SORCS2: variants seen among roughly 807,000 people sequenced by gnomAD.
SORCS2 encodes sortilin related VPS10 domain containing receptor 2.
In SORCS2, 100 loss-of-function variants were observed where a neutral mutation model predicts 141.6. The ratio of observed to expected loss-of-function variants is 0.71; its 90% confidence interval spans 0.60 to 0.83. The LOEUF (loss-of-function observed/expected upper bound fraction) is 0.83, where lower values mean the gene tolerates loss of function less well. SORCS2 is among the 40% of genes least tolerant of loss of function. The pLI, the probability that SORCS2 is intolerant of heterozygous loss-of-function variation, is 0.00. For missense variants in SORCS2, 1,646 were observed against 1,560.2 expected, an observed-to-expected ratio of 1.05 and a Z score of -0.93; for synonymous variants, 789 against 676.9, an observed-to-expected ratio of 1.17 and a Z score of -2.57.
At chr4:7,525,760 CA>C (rs1364381784) in intron 2 of SORCS2, among the ~76,000 whole-genome samples, 156 of 105,986 alleles carry the variant, frequency 1.5e-3, no homozygotes, top group East Asian at 2.9e-3. Context: ...TGCCCTCCTG[CA>C]ATCACCTGTC....
intron 13 of SORCS2, 88 bp from the exon 14 acceptor site, chr4:7,704,089 C>T: frequency 8.3e-7 from 1 of 1,209,362 alleles, no homozygotes; most frequent in Non-Finnish European, 1.2e-6. Flanking sequence ...GCAGCCTCCG[C>T]CCCTCCAGCT....
chr4:7,501,306 C>G (rs1021626507), intron 2 of SORCS2, among the ~76,000 whole-genome samples: 2 of 151,908 alleles, frequency 1.3e-5, no homozygotes, highest in African/African-American at 4.9e-5. Flanking sequence ...TGGTTGCAAT[C>G]AATCCTGAGC....
rs566458253 is a variant in SORCS2 at position 7,201,057 on chromosome 4, C to T, written c.480+7931C>T. 4.7e-4 allele frequency among the ~76,000 whole-genome samples: 71 copies of T among 152,238 alleles called. No individual in the cohort carries two copies. The highest frequency in any genetic ancestry group is 1.6e-3 in the African/African-American group (65 of 41,544). On this transcript the variant is annotated intron_variant, in intron 1 of 26. Coordinates refer to ENST00000507866, the MANE Select transcript of SORCS2 (RefSeq NM_020777.3). This position sits in a 1 kb window ranked among gnomAD's most constrained non-coding sequence, Gnocchi z 4.4. Reference sequence around the variant, plus strand: ...CCCCTGCGCGGGTGAAATGTTTGGTCTGGACAGGAATTCACCCCAGCGCGT... The same window carrying T: ...CCCCTGCGCGGGTGAAATGTTTGGTTTGGACAGGAATTCACCCCAGCGCGT...
At chr4:7,337,726 A>G (rs893662529) in intron 1 of SORCS2, among the ~76,000 whole-genome samples, 3 of 152,214 alleles carry the variant, frequency 2.0e-5, no homozygotes, top group Admixed American at 6.5e-5. Context: ...AAGGAATCCC[A>G]GCCGCCCTTA....
chr4:7,456,068 C>G, intron 2 of SORCS2, among the ~76,000 whole-genome samples: 1 of 152,174 alleles, frequency 6.6e-6, no homozygotes, highest in East Asian at 1.9e-4. Context: ...CAGATGGCCG[C>G]TATCTCCCTG....
chr4:7,650,658 G>A (rs57534629), intron 4 of SORCS2, among the ~76,000 whole-genome samples: 1 of 150,552 alleles, frequency 6.6e-6, no homozygotes, highest in South Asian at 2.1e-4. Context: ...GGCCATGACA[G>A]GGAGGCAGAC....
intron 1 of SORCS2, among the ~76,000 whole-genome samples, chr4:7,293,707 A>C (rs370021119): frequency 4.6e-5 from 7 of 152,304 alleles, no homozygotes; most frequent in Admixed American, 2.6e-4. Context: ...TGGATTCTCT[A>C]CTGGCGATCC....
At position 7,328,620 on chromosome 4, in the gene SORCS2, G is replaced by A. The variant is rs112343951; in HGVS notation, c.481-67668G>A. ...AGAAGCGTTTCTGGAGCACCTTCTC[G>A]TGCTCTGCCTCAGGTACCTAGCTGC... On this transcript the variant is annotated intron_variant, in intron 1 of 26. Coordinates refer to ENST00000507866, the MANE Select transcript of SORCS2 (RefSeq NM_020777.3). Among the ~76,000 whole-genome samples, 138 of 152,198 alleles carry A rather than the reference G, an allele frequency of 9.1e-4. 2 individuals carry two copies. In the Middle Eastern group the frequency reaches 0.017, roughly 19 times the overall value.
intron 18 of SORCS2, 79 bp from the exon 19 acceptor site, chr4:7,723,618 A>G: frequency 2.0e-6 from 3 of 1,467,150 alleles, no homozygotes; most frequent in Non-Finnish European, 2.9e-6. Context: ...TGAGTGAGTG[A>G]GTGAGTGAGT....
chr4:7,646,624 T>C (rs1721096266), intron 4 of SORCS2, among the ~76,000 whole-genome samples: 1 of 152,034 alleles, frequency 6.6e-6, no homozygotes. Flanking sequence ...AGCAAGACTC[T>C]GTTTCAAAAA....
At chr4:7,724,316 G>GTGGTGA (rs1553808274) in intron 19 of SORCS2, among the ~76,000 whole-genome samples, 3 of 134,572 alleles carry the variant, frequency 2.2e-5, no homozygotes, top group African/African-American at 9.4e-5. Context: ...GGTGGTGGTG[G>GTGGTGA]TGGTGGTGAT....
At chr4:7,215,440 A>T (rs947826812) in intron 1 of SORCS2, among the ~76,000 whole-genome samples, 3 of 152,130 alleles carry the variant, frequency 2.0e-5, no homozygotes, top group African/African-American at 7.2e-5. Context: ...GTGCTGCCCG[A>T]GCCTCCCTGA....
intron 1 of SORCS2, among the ~76,000 whole-genome samples, chr4:7,259,227 G>C (rs1560146327): frequency 6.6e-6 from 1 of 152,112 alleles, no homozygotes; most frequent in Non-Finnish European, 1.5e-5. Flanking sequence ...TGACACAGAT[G>C]TATCTCATTT....
Position 7,409,813 on chromosome 4 carries a change from C to T in SORCS2, c.548+13458C>T, listed in dbSNP as rs532549031. Reference sequence around the variant, plus strand: ...TTCACATTTGCATTCTGAAATATTGCTGGTGATCATCTCAGTGTTGTATAT... The same window carrying T: ...TTCACATTTGCATTCTGAAATATTGTTGGTGATCATCTCAGTGTTGTATAT... On this transcript the variant is annotated intron_variant, in intron 2 of 26. Transcript: ENST00000507866. Among the ~76,000 whole-genome samples the T allele has an allele frequency of 5.3e-5, 8 of 152,312 alleles. No homozygotes were observed. The East Asian group carries it at 1.5e-3, about 29-fold the overall frequency.
At chr4:7,570,612 G>A (rs556074123) in intron 3 of SORCS2, among the ~76,000 whole-genome samples, 1 of 152,362 alleles carries the variant, frequency 6.6e-6, no homozygotes, top group South Asian at 2.1e-4. Context: ...GAAATGGGAG[G>A]TGGGGCCCAG....
chr4:7,207,080 T>C (rs200439517), intron 1 of SORCS2, among the ~76,000 whole-genome samples: 2 of 152,108 alleles, frequency 1.3e-5, no homozygotes, highest in East Asian at 1.9e-4. Flanking sequence ...CATCCATCCA[T>C]GTACACGCCA....
intron 1 of SORCS2, among the ~76,000 whole-genome samples, chr4:7,306,864 G>A (rs10937804): frequency 0.69 from 104,342 of 152,092 alleles, 39,834 homozygotes; most frequent in Non-Finnish European, 0.86. Context: ...GGCAGGCAGC[G>A]TTGTGGGCGA....
intron 3 of SORCS2, among the ~76,000 whole-genome samples, chr4:7,577,322 G>A (rs1715816435): frequency 6.6e-6 from 1 of 152,256 alleles, no homozygotes; most frequent in South Asian, 2.1e-4. Flanking sequence ...GTAAAGCCAG[G>A]TGGGCAGACA....
At chr4:7,461,429 G>C (rs1395489319) in intron 2 of SORCS2, among the ~76,000 whole-genome samples, 1 of 152,210 alleles carries the variant, frequency 6.6e-6, no homozygotes, top group Non-Finnish European at 1.5e-5. Context: ...GGCCGCCTCT[G>C]CATGGTGGCT....
Sources: allele counts gnomAD v4.1 joint callset (sites outside exome capture counted in the v4.1 genomes callset), GRCh38; gene constraint gnomAD v4.1.1; non-coding constraint Gnocchi (gnomAD v3.1); transcripts MANE v1.5; gene names NCBI Gene and HGNC (gene_info 2026-07-23, HGNC 2026-07-21).